The following GRAMD1B variants were observed in gnomAD, a reference collection of about 807,000 sequenced individuals.
GRAMD1B encodes the protein protein Aster-B.
Under a neutral mutation model 99.7 loss-of-function variants are expected in GRAMD1B, and 37 were observed. The observed-to-expected ratio is 0.37, with a 90% confidence interval of 0.29 to 0.49. GRAMD1B has a LOEUF of 0.49. Ranked by LOEUF, GRAMD1B falls within the 20% of genes least tolerant of loss-of-function variation. The pLI, the probability that GRAMD1B is intolerant of heterozygous loss-of-function variation, is 0.98. For missense variants in GRAMD1B, 888 were observed against 1,009.2 expected (o/e 0.88, Z 1.63); for synonymous variants, 427 against 387.6 (o/e 1.10, Z -1.19).
chr11:123,445,873 G>A (rs180720239), intron 1 of GRAMD1B, among the ~76,000 whole-genome samples: 2 of 150,468 alleles, frequency 1.3e-5, no homozygotes, highest in East Asian at 3.9e-4. Context: ...CCAGGAAAGA[G>A]GATTGGTTGC....
intron 1 of GRAMD1B, among the ~76,000 whole-genome samples, chr11:123,411,003 T>G (rs1470800127): frequency 1.3e-5 from 2 of 152,044 alleles, no homozygotes; most frequent in East Asian, 3.9e-4. Flanking sequence ...TTGAATAACT[T>G]ATCTTCTTTT....
At position 123,512,881 on chromosome 11, in the gene GRAMD1B, G is replaced by C. The variant is rs373212497; in HGVS notation, c.452+31988G>C. On this transcript the variant is annotated intron_variant, in intron 2 of 19. Coordinates refer to ENST00000635736, the MANE Select transcript of GRAMD1B (RefSeq NM_001387025.1). ...TTGTATCTCTGTACATTTTTCTGGG[G>C]AGAGTATCCTTGGCTTTCATCAGCT... 4.6e-5 allele frequency among the ~76,000 whole-genome samples: 7 copies of C among 152,022 alleles called. No individual in the cohort carries two copies. The East Asian group carries it at 1.4e-3, about 29-fold the overall frequency.
intron 14 of GRAMD1B, among the ~76,000 whole-genome samples, chr11:123,611,970 G>T (rs180858188): frequency 6.6e-6 from 1 of 152,214 alleles, no homozygotes; most frequent in Non-Finnish European, 1.5e-5. Flanking sequence ...TGATACTGCA[G>T]GGGGTATGGA....
At chr11:123,572,383 G>C (rs1238548203) in intron 2 of GRAMD1B, among the ~76,000 whole-genome samples, 1 of 152,174 alleles carries the variant, frequency 6.6e-6, no homozygotes, top group Non-Finnish European at 1.5e-5. Context: ...ACATTATAAA[G>C]TTGGTTTGAA....
chr11:123,553,463 G>C (rs780534903), intron 2 of GRAMD1B, among the ~76,000 whole-genome samples: 2 of 152,158 alleles, frequency 1.3e-5, no homozygotes, highest in East Asian at 3.8e-4. Flanking sequence ...TTACTTAAAG[G>C]GTGGCTACCT....
At chr11:123,408,048 G>A (rs1430736531) in intron 1 of GRAMD1B, among the ~76,000 whole-genome samples, 1 of 152,216 alleles carries the variant, frequency 6.6e-6, no homozygotes, top group African/African-American at 2.4e-5. Context: ...CTGTGAATGG[G>A]ATTAGGAAAG....
Position 123,390,363 on chromosome 11 carries a change from T to C in GRAMD1B, c.-176+31564T>C, listed in dbSNP as rs1947232859. Among the ~76,000 whole-genome samples, 3 of 152,216 alleles carry C rather than the reference T, an allele frequency of 2.0e-5. No individual in the cohort carries two copies. In the South Asian group the frequency reaches 6.2e-4, roughly 32 times the overall value. ...TCCTTCCTCACCTCCTGCCTGTCTC[T>C]GGGCATTGCTGAGCAACGTCTGGCA... On this transcript the variant is annotated intron_variant, in intron 1 of 20. Transcript: ENST00000638157.
intron 1 of GRAMD1B, among the ~76,000 whole-genome samples, chr11:123,408,698 G>T (rs1591455326): frequency 6.6e-6 from 1 of 152,244 alleles, no homozygotes; most frequent in African/African-American, 2.4e-5. Context: ...GCACTCATGG[G>T]TAGTGAGCAT....
intron 2 of GRAMD1B, among the ~76,000 whole-genome samples, chr11:123,553,268 A>T (rs1444085575): frequency 6.6e-6 from 1 of 152,262 alleles, no homozygotes; most frequent in Non-Finnish European, 1.5e-5. Flanking sequence ...CCCAGGAGCC[A>T]GTTATTCTAT....
At chr11:123,511,136 A>G (rs905295942) in intron 2 of GRAMD1B, among the ~76,000 whole-genome samples, 20 of 151,548 alleles carry the variant, frequency 1.3e-4, no homozygotes, top group Middle Eastern at 3.4e-3. Context: ...CATTTGTGCA[A>G]CCTCCACACT....
At chr11:123,365,646 C>T (rs531830251) in intron 1 of GRAMD1B, among the ~76,000 whole-genome samples, 63 of 152,314 alleles carry the variant, frequency 4.1e-4, no homozygotes, top group African/African-American at 1.2e-3. Context: ...ACAAGCATCT[C>T]GCTGCAGTTG....
intron 2 of GRAMD1B, among the ~76,000 whole-genome samples, chr11:123,513,578 T>TTCCTTCC (rs1555050112): frequency 8.9e-4 from 37 of 41,690 alleles, no homozygotes; most frequent in African/African-American, 2.3e-3. Context: ...CCTTCCTTCC[T>TTCCTTCC]TTCCTTCCTT....
chr11:123,466,333 A>AGAAG (rs1316076879), intron 1 of GRAMD1B, among the ~76,000 whole-genome samples: 54 of 113,150 alleles, frequency 4.8e-4, no homozygotes, highest in African/African-American at 1.5e-3. Flanking sequence ...AAAGAAAGAA[A>AGAAG]GAAGGAAGGA....
chr11:123,422,620 C>T (rs1948487292), intron 1 of GRAMD1B, among the ~76,000 whole-genome samples: 1 of 152,180 alleles, frequency 6.6e-6, no homozygotes, highest in Non-Finnish European at 1.5e-5. Context: ...CATTATGCTC[C>T]AAATGTTCTT....
At chr11:123,493,578 T>C (rs1938864857) in intron 2 of GRAMD1B, among the ~76,000 whole-genome samples, 2 of 152,024 alleles carry the variant, frequency 1.3e-5, no homozygotes, top group Non-Finnish European at 2.9e-5. Flanking sequence ...AAGCCCAGAG[T>C]GGCAGTTGTG....
At chr11:123,614,203 A>G (rs1336565059) in intron 16 of GRAMD1B, among the ~76,000 whole-genome samples, 1 of 152,156 alleles carries the variant, frequency 6.6e-6, no homozygotes, top group African/African-American at 2.4e-5. Context: ...CAACTAATTG[A>G]GTTGGATATG....
intron 4 of GRAMD1B, 87 bp from the exon 5 acceptor site, chr11:123,593,995 C>A: frequency 1.1e-6 from 1 of 917,504 alleles, no homozygotes; most frequent in Non-Finnish European, 1.8e-6. Flanking sequence ...TTTTTAAACA[C>A]ACAAGCAAGT....
intron 9 of GRAMD1B, 40 bp from the exon 10 acceptor site, chr11:123,605,282 C>T: frequency 6.8e-7 from 1 of 1,467,608 alleles, no homozygotes; most frequent in Non-Finnish European, 9.2e-7. Context: ...CCATCTTGAA[C>T]CACTGAGGGT....
intron 1 of GRAMD1B, among the ~76,000 whole-genome samples, chr11:123,416,338 A>G (rs1948232379): frequency 6.6e-6 from 1 of 152,182 alleles, no homozygotes; most frequent in Non-Finnish European, 1.5e-5. Flanking sequence ...AGGAGCAATG[A>G]AGCATTCTCT....
Sources: gnomAD v4.1 joint callset for allele counts (sites outside exome capture counted in the v4.1 genomes callset) on GRCh38, gnomAD v4.1.1 for gene constraint, MANE v1.5 for transcripts, NCBI Gene and HGNC (gene_info 2026-07-23, HGNC 2026-07-21) for gene names.